The following EDA variants were observed in gnomAD, a reference collection of about 807,000 sequenced individuals.
EDA encodes the protein ectodysplasin-A.
Under a neutral mutation model 23.6 loss-of-function variants are expected in EDA, and 2 were observed. The observed-to-expected ratio is 0.08, with a 90% CI of 0.03 to 0.27. The LOEUF is 0.27. Among genes scored for constraint, EDA ranks in the 10% least tolerant of loss-of-function variants. The pLI is 1.00. For synonymous variants in EDA, 131 were observed against 132.0 expected (o/e 0.99, Z 0.05); for missense variants, 229 against 324.2 (o/e 0.71, Z 2.26).
At chrX:69,753,615 C>G (rs1370216091) in intron 1 of EDA, among the ~76,000 whole-genome samples, 1 of 111,588 alleles carries the variant, frequency 9.0e-6, no homozygotes, top group Non-Finnish European at 1.9e-5. Flanking sequence ...GAGCTGAATT[C>G]AATTCCTGGA....
chrX:69,677,820 G>T (rs1934163354), intron 1 of EDA, among the ~76,000 whole-genome samples: 1 of 111,798 alleles, frequency 8.9e-6, no homozygotes, highest in Non-Finnish European at 1.9e-5. Flanking sequence ...CAGCTCTTTA[G>T]TTTAATTAGA....
intron 2 of EDA, among the ~76,000 whole-genome samples, chrX:70,007,795 T>A (rs1034866356): frequency 8.9e-6 from 1 of 111,827 alleles, no homozygotes; most frequent in Admixed American, 9.5e-5. Flanking sequence ...TTATTTTCTT[T>A]CATTGAAGTT....
At chrX:69,716,426 A>C (rs2012336929) in intron 1 of EDA, among the ~76,000 whole-genome samples, 1 of 110,531 alleles carries the variant, frequency 9.0e-6, no homozygotes, top group Non-Finnish European at 1.9e-5. Flanking sequence ...CCATTGATCT[A>C]TGCATCTGTT....
At chrX:69,670,266 C>A in intron 1 of EDA, 1 of 324,578 alleles carries the variant, frequency 3.1e-6, no homozygotes, top group Non-Finnish European at 5.4e-6. Flanking sequence ...GCTGAGAAAT[C>A]CACTGATATT....
At chrX:69,815,967 C>G (rs2016072269) in intron 1 of EDA, among the ~76,000 whole-genome samples, 1 of 111,401 alleles carries the variant, frequency 9.0e-6, no homozygotes, top group South Asian at 3.9e-4. Context: ...TCAGTAGCCC[C>G]CTGGGATGGA....
intron 1 of EDA, among the ~76,000 whole-genome samples, chrX:69,798,967 A>C (rs1194187508): frequency 1.8e-5 from 2 of 111,674 alleles, no homozygotes; most frequent in African/African-American, 6.5e-5. Context: ...GACCTATAGT[A>C]ACCAAAACAA....
chrX:69,877,370 C>T (rs1359671704), intron 1 of EDA, among the ~76,000 whole-genome samples: 4 of 111,830 alleles, frequency 3.6e-5, no homozygotes, highest in African/African-American at 6.5e-5. Context: ...ACCATCTCTT[C>T]GTACTGTTCA....
chrX:69,702,210 G>A (rs1178423613), intron 1 of EDA, among the ~76,000 whole-genome samples: 1 of 111,321 alleles, frequency 9.0e-6, no homozygotes, highest in African/African-American at 3.3e-5. Flanking sequence ...AAGTAAGGGT[G>A]GGGCATGGAC....
At chrX:69,799,762 G>C (rs770973057) in intron 1 of EDA, among the ~76,000 whole-genome samples, 5 of 106,010 alleles carry the variant, frequency 4.7e-5, no homozygotes, top group African/African-American at 6.8e-5. Flanking sequence ...ATCCACTGTT[G>C]GTAGGAGTGT....
At chrX:69,980,849 G>T (rs2019395021) in intron 2 of EDA, among the ~76,000 whole-genome samples, 1 of 112,129 alleles carries the variant, frequency 8.9e-6, no homozygotes, top group South Asian at 3.7e-4. Flanking sequence ...CAGGTGGTGT[G>T]GAAAGATAAG....
chrX:69,654,969 A>G (rs1009938592), intron 1 of EDA, among the ~76,000 whole-genome samples: 3 of 110,924 alleles, frequency 2.7e-5, no homozygotes, highest in Non-Finnish European at 3.8e-5. Context: ...TAAAAAAAAA[A>G]CAAAAAAAAG....
intron 1 of EDA, among the ~76,000 whole-genome samples, chrX:69,824,321 T>C (rs2016339823): frequency 9.1e-6 from 1 of 110,474 alleles, no homozygotes; most frequent in Admixed American, 9.7e-5. Flanking sequence ...TGATTCTTCC[T>C]ACGCATGAGC....
At chrX:69,927,516 T>C (rs2018538820) in intron 1 of EDA, among the ~76,000 whole-genome samples, 1 of 111,794 alleles carries the variant, frequency 8.9e-6, no homozygotes, top group Non-Finnish European at 1.9e-5. Context: ...TGCTGAGATG[T>C]CCACTGTTAG....
At chrX:69,746,482 G>T (rs1323655698) in intron 1 of EDA, among the ~76,000 whole-genome samples, 1 of 110,935 alleles carries the variant, frequency 9.0e-6, no homozygotes, top group East Asian at 2.8e-4. Context: ...TTTATTGAGG[G>T]CATATGTGGA....
intron 1 of EDA, among the ~76,000 whole-genome samples, chrX:69,779,393 T>C (rs765686093): frequency 9.0e-6 from 1 of 111,551 alleles, no homozygotes; most frequent in Admixed American, 9.5e-5. Context: ...AATAAACCTC[T>C]TAAACATCCC....
intron 1 of EDA, among the ~76,000 whole-genome samples, chrX:69,837,613 A>T (rs1189075179): frequency 8.9e-6 from 1 of 112,624 alleles, no homozygotes; most frequent in Non-Finnish European, 1.9e-5. Flanking sequence ...CATGCTATAG[A>T]GAGTTGTCTA....
Position 69,969,679 on chromosome X carries a change from C to T in EDA, c.502+12547C>T, listed in dbSNP as rs746002278. On this transcript the variant is annotated intron_variant, in intron 2 of 7. Transcript: ENST00000374552. ...CACATATTTTATCTCAGAGTCATTT[C>T]AGCATTTTGAGTCTAATTCATTCTT... Among the ~76,000 whole-genome samples, 10 of 112,100 alleles carry T rather than the reference C, an allele frequency of 8.9e-5. No individual in the cohort carries two copies. The South Asian group carries it at 3.7e-3, about 41-fold the overall frequency.
chrX:69,722,262 G>A (rs2012611345), intron 1 of EDA, among the ~76,000 whole-genome samples: 2 of 110,301 alleles, frequency 1.8e-5, no homozygotes, highest in South Asian at 7.9e-4. Flanking sequence ...CTGGAGTGCA[G>A]TGGTGCTATC....
chrX:69,842,675 T>C (rs1234841263), intron 1 of EDA, among the ~76,000 whole-genome samples: 1 of 112,051 alleles, frequency 8.9e-6, no homozygotes, highest in East Asian at 2.8e-4. Flanking sequence ...TGAATTGTAA[T>C]CCCCAATGTT....
Sources: gnomAD v4.1 joint callset for allele counts (sites outside exome capture counted in the v4.1 genomes callset) on GRCh38, gnomAD v4.1.1 for gene constraint, MANE v1.5 for transcripts, NCBI Gene and HGNC (gene_info 2026-07-23, HGNC 2026-07-21) for gene names.